The following DNAI1 variants were observed in gnomAD, a reference collection of about 807,000 sequenced individuals.
DNAI1 encodes dynein axonemal intermediate chain 1.
Under a neutral mutation model 92.0 loss-of-function variants are expected in DNAI1, and 67 were observed. That is an observed-to-expected ratio of 0.73 (90% CI 0.60 to 0.89). The LOEUF (loss-of-function observed/expected upper bound fraction) is 0.89. Among genes scored for constraint, DNAI1 ranks in the 40% least tolerant of loss-of-function variants. The pLI, the probability that DNAI1 is intolerant of heterozygous loss-of-function variation, is 0.00. For missense variants in DNAI1, 839 were observed against 866.6 expected, an observed-to-expected ratio of 0.97 and a Z score of 0.40; for synonymous variants, 323 against 319.6, an observed-to-expected ratio of 1.01 and a Z score of -0.11.
At chr9:34,460,203 G>A (rs1823922695) in intron 1 of DNAI1, among the ~76,000 whole-genome samples, 7 of 152,200 alleles carry the variant, frequency 4.6e-5, no homozygotes, top group Admixed American at 3.9e-4. Flanking sequence ...GCATCACCAC[G>A]GAAGGCAAGG....
At chr9:34,493,826 A>C (rs760041379) in intron 9 of DNAI1, among the ~76,000 whole-genome samples, 6 of 152,172 alleles carry the variant, frequency 3.9e-5, no homozygotes, top group Non-Finnish European at 8.8e-5. Context: ...TGCTAGGCCA[A>C]TGGATTTGGC....
chr9:34,512,125 A>G lies in DNAI1; in HGVS notation c.1328A>G (p.Asp443Gly). ...DPVWQVKWQKDDMDQNLNFFS... is the reference protein window; with the variant it reads ...DPVWQVKWQKGDMDQNLNFFS... ...ATGTTTCAGGTCAAGTGGCAGAAGG[A>G]TGACATGGACCAAAACCTTAACTTC... Residue 443 changes from aspartate (D) to glycine (G), a missense_variant, in exon 14 of 20, where the codon GAT (aspartate) becomes GGT (glycine). Physicochemically the swap from Asp to Gly is moderately conservative, Grantham distance 94. Coordinates refer to ENST00000242317, the MANE Select transcript of DNAI1 (RefSeq NM_012144.4). The G allele has an allele frequency of 6.2e-7, 1 of 1,614,170 alleles. No homozygotes were observed. Among genetic ancestry groups the G allele is most frequent in the Non-Finnish European group, 8.5e-7 (1 of 1,180,022 alleles).
In DNAI1 at chr9:34,493,220, G is replaced by A. The variant is rs765581497; in HGVS notation, c.708G>A (p.Glu236=). Reference sequence around the variant, plus strand: ...GGGAGATCTATGATGCCTATGTAGAGGAACTTGAGAAGCAGGAAAAGACCA... The same window carrying A: ...GGGAGATCTATGATGCCTATGTAGAAGAACTTGAGAAGCAGGAAAAGACCA... The part of the protein sequence containing the change: ...NQWEIYDAYV[E]ELEKQEKTKE... Residue 236 remains glutamate (E), a synonymous_variant, in exon 9 of 20, where the codon GAG becomes GAA. Transcript: ENST00000242317. 3.1e-6 allele frequency: 5 copies of A among 1,614,046 alleles called. No individual in the cohort carries two copies. Among genetic ancestry groups the A allele is most frequent in the Non-Finnish European group, 4.2e-6 (5 of 1,180,042 alleles).
At chr9:34,461,063 G>A (rs1401184807) in intron 1 of DNAI1, among the ~76,000 whole-genome samples, 3 of 152,044 alleles carry the variant, frequency 2.0e-5, no homozygotes, top group Non-Finnish European at 1.5e-5. Flanking sequence ...CGATGGTCTT[G>A]GATCTCCTGA....
chr9:34,518,478 T>TA (rs1286506793), intron 19 of DNAI1, among the ~76,000 whole-genome samples: 3 of 152,088 alleles, frequency 2.0e-5, no homozygotes, highest in Non-Finnish European at 4.4e-5. Flanking sequence ...TGGCTATAAA[T>TA]ACTCAAAAGG....
At chr9:34,484,928 C>T (rs2132057129) in intron 2 of DNAI1, 2 of 527,918 alleles carry the variant, frequency 3.8e-6, no homozygotes, top group East Asian at 3.7e-5. Flanking sequence ...AGCCTGACCC[C>T]CAGGGCAGAG....
At chr9:34,518,950 C>T (rs1318104025) in intron 19 of DNAI1, among the ~76,000 whole-genome samples, 1 of 149,598 alleles carries the variant, frequency 6.7e-6, no homozygotes, top group Admixed American at 6.7e-5. Flanking sequence ...GGGAGCCTGC[C>T]CTGCCCACTC....
intron 4 of DNAI1, among the ~76,000 whole-genome samples, chr9:34,488,936 G>C (rs1255821780): frequency 3.3e-5 from 5 of 152,172 alleles, no homozygotes; most frequent in Non-Finnish European, 7.4e-5. Flanking sequence ...AGTGGAGAGA[G>C]GGTTATGCCA....
At chr9:34,491,696 T>C (rs2132063485) in intron 8 of DNAI1, 142 bp downstream of exon 8, 1 of 903,146 alleles carries the variant, frequency 1.1e-6, no homozygotes, top group Admixed American at 2.0e-5. Flanking sequence ...CTCACTGTCC[T>C]GAGCATCCAG....
intron 13 of DNAI1, among the ~76,000 whole-genome samples, chr9:34,510,119 G>T (rs1222480598): frequency 6.6e-6 from 1 of 152,308 alleles, no homozygotes; most frequent in East Asian, 1.9e-4. Flanking sequence ...GATATATGGG[G>T]GAGGCCAGAG....
intron 4 of DNAI1, among the ~76,000 whole-genome samples, chr9:34,487,654 A>G (rs1333141432): frequency 6.6e-6 from 1 of 151,898 alleles, no homozygotes; most frequent in Non-Finnish European, 1.5e-5. Flanking sequence ...CCTCTGTAGG[A>G]CTCAGTGTGC....
At chr9:34,520,071 C>T (rs1306615312) in intron 19 of DNAI1, among the ~76,000 whole-genome samples, 1 of 152,124 alleles carries the variant, frequency 6.6e-6, no homozygotes, top group African/African-American at 2.4e-5. Flanking sequence ...TGGACTATTC[C>T]CTCTGCCCTT....
chr9:34,506,427 C>T (rs1824931258), intron 12 of DNAI1, among the ~76,000 whole-genome samples, 200 bp from the exon 13 acceptor site: 3 of 152,174 alleles, frequency 2.0e-5, no homozygotes, highest in Admixed American at 1.3e-4. Context: ...TGGATCTTTC[C>T]ATGATCTCTG....
intron 18 of DNAI1, among the ~76,000 whole-genome samples, chr9:34,516,744 CT>C (rs543113261): frequency 1.1e-3 from 154 of 134,994 alleles, no homozygotes; most frequent in Admixed American, 1.3e-3. Flanking sequence ...CTTTTCTTTT[CT>C]TTTTTTTTTT....
At position 34,507,766 on chromosome 9, in the gene DNAI1, C is replaced by T. The variant is rs557330228; in HGVS notation, c.1311+892C>T. Reference sequence around the variant, plus strand: ...GTGGCTGCTGCTGGTTGCCTGCCCTCGGGTGGGACTGTAAGGCCTGGTAGG... The same window carrying T: ...GTGGCTGCTGCTGGTTGCCTGCCCTTGGGTGGGACTGTAAGGCCTGGTAGG... On this transcript the variant is annotated intron_variant, in intron 13 of 19. Coordinates refer to ENST00000242317, the MANE Select transcript of DNAI1 (RefSeq NM_012144.4). 3.9e-5 allele frequency among the ~76,000 whole-genome samples: 6 copies of T among 152,326 alleles called. No individual in the cohort carries two copies. In the East Asian group the frequency reaches 5.8e-4, roughly 15 times the overall value.
chr9:34,515,222 A>G (rs1422515973), intron 18 of DNAI1, among the ~76,000 whole-genome samples: 1 of 152,222 alleles, frequency 6.6e-6, no homozygotes, highest in African/African-American at 2.4e-5. Flanking sequence ...AGAAACAAAC[A>G]TCTTGTGAGC....
intron 9 of DNAI1, among the ~76,000 whole-genome samples, chr9:34,493,753 C>T (rs992533630): frequency 1.3e-5 from 2 of 152,048 alleles, no homozygotes; most frequent in African/African-American, 4.8e-5. Context: ...TACTTATGTC[C>T]TATACTGTAG....
At chr9:34,471,054 G>A (rs540919290) in intron 1 of DNAI1, among the ~76,000 whole-genome samples, 1 of 152,254 alleles carries the variant, frequency 6.6e-6, no homozygotes, top group East Asian at 1.9e-4. Flanking sequence ...ATTTTTAATT[G>A]TAATGAAAAT....
rs375297263 is a variant in DNAI1, at chr9:34,510,153, C to T, written c.1312-1956C>T. On this transcript the variant is annotated intron_variant, in intron 13 of 19. Transcript: ENST00000242317. ...AGAGGTTGTGTTAGATCTCAAATGCCAGGCTGAGGCAGAAGGAGTTTGTTC... is the reference window on the plus strand; with the variant it reads ...AGAGGTTGTGTTAGATCTCAAATGCTAGGCTGAGGCAGAAGGAGTTTGTTC... 4.6e-5 allele frequency among the ~76,000 whole-genome samples: 7 copies of T among 152,256 alleles called. No individual in the cohort carries two copies. The East Asian group carries it at 9.6e-4, about 21-fold the overall frequency.
Sources: allele counts gnomAD v4.1 joint callset (sites outside exome capture counted in the v4.1 genomes callset), GRCh38; gene constraint gnomAD v4.1.1; transcripts MANE v1.5; gene names NCBI Gene and HGNC (gene_info 2026-07-23, HGNC 2026-07-21).